The following HGD variants were observed in gnomAD, a reference collection of about 807,000 sequenced individuals.
The protein encoded by HGD is homogentisate oxidase.
Under a neutral mutation model 60.8 loss-of-function variants are expected in HGD, and 61 were observed. The observed-to-expected ratio is 1.00, with a 90% confidence interval of 0.82 to 1.24. The LOEUF is 1.24. Ranked by LOEUF, HGD falls within the 50% of genes most tolerant of loss-of-function variation. The probability of loss-of-function intolerance (pLI) is 0.00; values close to 1 mark genes in which losing one functional copy is unlikely to be tolerated. For missense variants in HGD, 542 were observed against 547.1 expected (o/e 0.99, Z 0.09); for synonymous variants, 212 against 187.7 (o/e 1.13, Z -1.06).
At chr3:120,650,931 T>C in intron 5 of HGD, 66 bp from the exon 6 acceptor site, 4 of 1,234,362 alleles carry the variant, frequency 3.2e-6, no homozygotes, top group Middle Eastern at 1.9e-4. Flanking sequence ...GCCCTTCCAC[T>C]GGTCCCTGAG....
At chr3:120,661,603 G>A (rs1024294755) in intron 4 of HGD, among the ~76,000 whole-genome samples, 1 of 152,196 alleles carries the variant, frequency 6.6e-6, no homozygotes, top group Non-Finnish European at 1.5e-5. Context: ...TCCTGGCACA[G>A]GGCCTATTTA....
intron 12 of HGD, among the ~76,000 whole-genome samples, chr3:120,638,028 A>C (rs1432409861): frequency 1.3e-5 from 2 of 152,140 alleles, no homozygotes; most frequent in Admixed American, 1.3e-4. Context: ...ATGAGTTCAC[A>C]TGGGGTTTGG....
Position 120,682,179 on chromosome 3 carries a change from T to C in HGD, c.-68A>G. 6.8e-7 allele frequency: 1 copy of C among 1,471,468 alleles called. No homozygotes were observed. Among genetic ancestry groups the C allele is most frequent in the Non-Finnish European group, 9.5e-7 (1 of 1,050,174 alleles). 91.2% of individuals were successfully genotyped at this position (1,471,468 alleles called of 1,614,324 possible). A position where few individuals can be genotyped will look rare whatever the true frequency, so the allele number is the denominator to read the frequency against. On this transcript the variant is annotated 5_prime_UTR_variant, in exon 1 of 14. Coordinates refer to ENST00000283871, the MANE Select transcript of HGD (RefSeq NM_000187.4). Reference sequence around the variant, plus strand: ...CCAGAGGATATAAAGCCACAATGCTTCTTTCTCCTTCAAACCACTCTTTGG... The same window carrying C: ...CCAGAGGATATAAAGCCACAATGCTCCTTTCTCCTTCAAACCACTCTTTGG...
At chr3:120,648,761 C>T (rs1941241715) in intron 6 of HGD, among the ~76,000 whole-genome samples, 1 of 152,228 alleles carries the variant, frequency 6.6e-6, no homozygotes, top group Non-Finnish European at 1.5e-5. Context: ...GGCACATGTT[C>T]TCAGGATCTC....
In HGD at chr3:120,646,954, A is replaced by G; in HGVS notation, c.549+19T>C. On this transcript the variant is annotated intron_variant, in intron 8 of 13. Coordinates refer to ENST00000283871, the MANE Select transcript of HGD (RefSeq NM_000187.4). Reference sequence around the variant, plus strand: ...CAAATTAGTGAGAGGCAGGGAAGAGAAGGGGACACATCACCAACCTGAATG... The same window carrying G: ...CAAATTAGTGAGAGGCAGGGAAGAGGAGGGGACACATCACCAACCTGAATG... 1 of 1,594,228 alleles carries G rather than the reference A, an allele frequency of 6.3e-7. No homozygotes were observed. The highest frequency in any genetic ancestry group is 8.6e-7 in the Non-Finnish European group (1 of 1,161,826).
intron 11 of HGD, among the ~76,000 whole-genome samples, chr3:120,640,871 A>T (rs1402663947): frequency 1.3e-5 from 2 of 152,100 alleles, no homozygotes; most frequent in African/African-American, 4.8e-5. Flanking sequence ...TGAGTCTCTG[A>T]CTTCTGCTCT....
chr3:120,642,496 C>T (rs1941017484), intron 10 of HGD, among the ~76,000 whole-genome samples: 1 of 152,106 alleles, frequency 6.6e-6, no homozygotes, highest in African/African-American at 2.4e-5. Flanking sequence ...CAGTGGTGTG[C>T]TGGTAAATAT....
At chr3:120,641,509 G>T in intron 11 of HGD, 80 bp downstream of exon 11, 1 of 866,536 alleles carries the variant, frequency 1.2e-6, no homozygotes, top group Non-Finnish European at 2.0e-6. Flanking sequence ...TGTTAGATCT[G>T]TAAATGTCAG....
At chr3:120,641,842 C>G (rs748522045) in intron 10 of HGD, 149 bp from the exon 11 acceptor site, 1 of 686,104 alleles carries the variant, frequency 1.5e-6, no homozygotes, top group Non-Finnish European at 2.6e-6. Context: ...AAGTATAACC[C>G]TGAATCATTT....
Position 120,638,498 on chromosome 3 carries a change from T to C in HGD, c.963A>G (p.Arg321=), listed in dbSNP as rs768426419. The C allele has an allele frequency of 5.0e-6, 8 of 1,613,692 alleles. No individual in the cohort carries two copies. The highest frequency in any genetic ancestry group is 3.3e-4 in the Middle Eastern group (2 of 6,084). ...TGAAGGTCTTATCAGCAACCCCCCA[T>C]CGAGGTGGGAAGATGACAAAATCAG... is the stretch of plus-strand genomic sequence containing the variant. The part of the protein sequence containing the change: ...AIADFVIFPP[R]WGVADKTFRP... The change falls in exon 12 of 14, where the codon CGA becomes CGG. Residue 321 remains arginine (R), a synonymous_variant. Coordinates refer to ENST00000283871, the MANE Select transcript of HGD (RefSeq NM_000187.4).
chr3:120,641,191 G>A (rs80164789), intron 11 of HGD, among the ~76,000 whole-genome samples: 1 of 152,224 alleles, frequency 6.6e-6, no homozygotes, highest in Non-Finnish European at 1.5e-5. Context: ...AGAGATCATA[G>A]AGGAGGCTCT....
chr3:120,644,456 A>C lies in HGD; in HGVS notation c.650-13T>G. The C allele has an allele frequency of 1.9e-6, 3 of 1,614,054 alleles. No homozygotes were observed. The highest frequency in any genetic ancestry group is 2.5e-6 in the Non-Finnish European group (3 of 1,179,970). On this transcript the variant is annotated splice_polypyrimidine_tract_variant and intron_variant, in intron 9 of 13. Coordinates refer to ENST00000283871, the MANE Select transcript of HGD (RefSeq NM_000187.4). ...AAGCCATTGGCCCCTAGAAAACAGT[A>C]ACCCAAAAGTCTTTTAGAAACTTCC...
intron 1 of HGD, among the ~76,000 whole-genome samples, chr3:120,680,274 A>G (rs1194177132): frequency 6.6e-6 from 1 of 152,240 alleles, no homozygotes; most frequent in Non-Finnish European, 1.5e-5. Context: ...AAAATGAAGA[A>G]ATAAAAGATG....
chr3:120,660,282 T>C (rs139647224), intron 4 of HGD, among the ~76,000 whole-genome samples: 236 of 152,298 alleles, frequency 1.5e-3, no homozygotes, highest in Non-Finnish European at 2.9e-3. Flanking sequence ...AATGTATAAA[T>C]AGTTGTTAGC....
intron 9 of HGD, among the ~76,000 whole-genome samples, chr3:120,646,056 T>C (rs1941148593): frequency 6.6e-6 from 1 of 152,214 alleles, no homozygotes; most frequent in African/African-American, 2.4e-5. Flanking sequence ...GTCTGTATAC[T>C]ATTCTAGAGA....
intron 3 of HGD, among the ~76,000 whole-genome samples, chr3:120,671,432 A>C (rs1708023105): frequency 6.6e-6 from 1 of 152,180 alleles, no homozygotes; most frequent in South Asian, 2.1e-4. Flanking sequence ...TTACTTGTAG[A>C]AGTCCTTTAT....
chr3:120,633,560 G>A, intron 12 of HGD: 1 of 1,462,692 alleles, frequency 6.8e-7, no homozygotes, highest in Non-Finnish European at 9.1e-7. Context: ...GAGGTCTCGA[G>A]TTCCACTCTC....
rs144092460 is a variant in HGD, at chr3:120,634,179, T to G, written c.1007-851A>C. 3.3e-5 allele frequency among the ~76,000 whole-genome samples: 5 copies of G among 152,306 alleles called. No individual in the cohort carries two copies. In the East Asian group the frequency reaches 9.7e-4, roughly 29 times the overall value. ...GCTCTCCACTCTACAAAGCATATCA[T>G]ATTATTGAAGAGCTCTGTGTGTAAG... On this transcript the variant is annotated intron_variant, in intron 12 of 13. Transcript: ENST00000283871.
In HGD at chr3:120,633,291, A is replaced by T; in HGVS notation, c.1044T>A (p.Gly348=). The T allele has an allele frequency of 6.2e-7, 1 of 1,614,096 alleles. No homozygotes were observed. Among genetic ancestry groups the T allele is most frequent in the Non-Finnish European group, 8.5e-7 (1 of 1,180,010 alleles). The change falls in exon 13 of 14, where the codon GGT becomes GGA. Residue 348 remains glycine, a synonymous_variant. Transcript: ENST00000283871. Reference sequence around the variant, plus strand: ...ACCCACCTTGCTTTGCCTCATAGTGACCTCGGATGAGTCCCATGAACTCAC... The same window carrying T: ...ACCCACCTTGCTTTGCCTCATAGTGTCCTCGGATGAGTCCCATGAACTCAC... The part of the protein sequence containing the change: ...CMSEFMGLIR[G]HYEAKQGGFL...
Sources: allele counts gnomAD v4.1 joint callset (sites outside exome capture counted in the v4.1 genomes callset), GRCh38; gene constraint gnomAD v4.1.1; transcripts MANE v1.5; gene names NCBI Gene and HGNC (gene_info 2026-07-23, HGNC 2026-07-21).